PTPRD: variants seen among roughly 807,000 people sequenced by gnomAD.
PTPRD encodes the protein receptor-type tyrosine-protein phosphatase delta.
PTPRD carries 34 observed loss-of-function variants against 214.5 expected under a neutral mutation model. The observed-to-expected ratio is 0.16, with a 90% CI of 0.12 to 0.21. The LOEUF is 0.21. Ranked by LOEUF, PTPRD falls within the 10% of genes least tolerant of loss-of-function variation. The pLI, the probability that PTPRD is intolerant of heterozygous loss-of-function variation, is 1.00. For synonymous variants in PTPRD, 1,128 were observed against 845.7 expected, an observed-to-expected ratio of 1.33 and a Z score of -5.79; for missense variants, 2,545 against 2,398.7, an observed-to-expected ratio of 1.06 and a Z score of -1.27.
rs149754128 is a variant in PTPRD, at chr9:8,664,721, A to G, written c.65-27877T>C. On this transcript the variant is annotated intron_variant, in intron 12 of 45. Coordinates refer to ENST00000381196, the MANE Select transcript of PTPRD (RefSeq NM_002839.4). ...ATTGTATATATCCCCACACTACACT[A>G]TTCCTGCATACAGCCAGAAGCTGCT... 2.7e-3 allele frequency among the ~76,000 whole-genome samples: 412 copies of G among 152,326 alleles called. 1 individual carries two copies. The highest frequency in any genetic ancestry group is 9.5e-3 in the African/African-American group (393 of 41,580).
chr9:10,119,782 T>C (rs1343703399), intron 3 of PTPRD, among the ~76,000 whole-genome samples: 2 of 152,052 alleles, frequency 1.3e-5, no homozygotes. Flanking sequence ...AAAGCAGTCA[T>C]GTGCATTACT....
In PTPRD at chr9:8,451,316, A is replaced by C. The variant is rs543581239; in HGVS notation, c.3876-1479T>G. On this transcript the variant is annotated intron_variant, in intron 33 of 45. Coordinates refer to ENST00000381196, the MANE Select transcript of PTPRD (RefSeq NM_002839.4). ...TCTTCTTTCTACCTAAAGGTGTCAG[A>C]TACAGCCTTGGGACAAAATGTGCTG... 3.9e-5 allele frequency among the ~76,000 whole-genome samples: 6 copies of C among 152,292 alleles called. No homozygotes were observed. In the East Asian group the frequency reaches 1.2e-3, roughly 29 times the overall value.
intron 17 of PTPRD, 64 bp from the exon 18 acceptor site, chr9:8,525,099 C>G: frequency 7.3e-7 from 1 of 1,366,838 alleles, no homozygotes; most frequent in Non-Finnish European, 1.0e-6. Context: ...GTTCAGAAAG[C>G]TAAACCTCTT....
At chr9:8,962,488 A>T (rs2099163867) in intron 11 of PTPRD, among the ~76,000 whole-genome samples, 1 of 152,058 alleles carries the variant, frequency 6.6e-6, no homozygotes, top group South Asian at 2.1e-4. Flanking sequence ...AAATGACTAA[A>T]GATAAGACAT....
intron 2 of PTPRD, among the ~76,000 whole-genome samples, chr9:10,557,874 G>C (rs891454198): frequency 1.3e-5 from 2 of 152,108 alleles, no homozygotes; most frequent in Non-Finnish European, 2.9e-5. Context: ...GCATGTAAAT[G>C]TTTTATAGCA....
intron 39 of PTPRD, among the ~76,000 whole-genome samples, chr9:8,342,591 T>G (rs956627799): frequency 1.4e-4 from 21 of 152,010 alleles, no homozygotes; most frequent in Non-Finnish European, 3.1e-4. Context: ...ATATAATAGG[T>G]GTATATTACC....
At chr9:9,658,462 T>C (rs975625561) in intron 7 of PTPRD, among the ~76,000 whole-genome samples, 5 of 152,172 alleles carry the variant, frequency 3.3e-5, no homozygotes, top group Non-Finnish European at 5.9e-5. Flanking sequence ...CCTTCTTTAC[T>C]GTTTTTCCGA....
chr9:9,679,434 A>T (rs1301792903), intron 7 of PTPRD, among the ~76,000 whole-genome samples: 1 of 152,004 alleles, frequency 6.6e-6, no homozygotes, highest in East Asian at 1.9e-4. Flanking sequence ...AAAAACCTGA[A>T]CTTTAAAAAT....
intron 3 of PTPRD, among the ~76,000 whole-genome samples, chr9:10,231,815 G>C (rs527587804): frequency 2.0e-5 from 3 of 151,880 alleles, no homozygotes; most frequent in African/African-American, 7.3e-5. Context: ...CAATGTGGTG[G>C]TATTGGGAAG....
At chr9:9,071,458 GGAGA>G (rs574673880) in intron 10 of PTPRD, among the ~76,000 whole-genome samples, 1 of 152,092 alleles carries the variant, frequency 6.6e-6, no homozygotes, top group Non-Finnish European at 1.5e-5. Flanking sequence ...ATTTTACATA[GGAGA>G]GAGTCTTCTT....
At chr9:8,778,719 T>A (rs1466779207) in intron 11 of PTPRD, among the ~76,000 whole-genome samples, 4 of 152,168 alleles carry the variant, frequency 2.6e-5, no homozygotes, top group Non-Finnish European at 5.9e-5. Flanking sequence ...ATACTGAAAC[T>A]AGGAGGCCAT....
At chr9:9,289,975 G>A (rs1208524275) in intron 9 of PTPRD, among the ~76,000 whole-genome samples, 2 of 151,730 alleles carry the variant, frequency 1.3e-5, no homozygotes, top group African/African-American at 4.8e-5. Flanking sequence ...TATATACCCA[G>A]AAATTAGGTT....
intron 2 of PTPRD, among the ~76,000 whole-genome samples, chr9:10,354,773 T>C (rs1231027230): frequency 6.6e-6 from 1 of 152,168 alleles, no homozygotes; most frequent in East Asian, 1.9e-4. Context: ...ATGTCATTTT[T>C]TACTGTGGCA....
chr9:10,585,805 C>T (rs1443463026), intron 2 of PTPRD, among the ~76,000 whole-genome samples: 2 of 151,678 alleles, frequency 1.3e-5, no homozygotes, highest in African/African-American at 4.8e-5. Flanking sequence ...CAGGATAATA[C>T]CTGATTTATT....
intron 7 of PTPRD, among the ~76,000 whole-genome samples, chr9:9,676,954 C>A (rs1304331886): frequency 2.6e-5 from 4 of 152,106 alleles, no homozygotes; most frequent in African/African-American, 9.7e-5. Context: ...ATATCCTTCG[C>A]CCACTTGTTG....
intron 4 of PTPRD, among the ~76,000 whole-genome samples, chr9:9,957,155 T>C (rs2093992687): frequency 6.6e-6 from 1 of 152,196 alleles, no homozygotes; most frequent in African/African-American, 2.4e-5. Context: ...AAATCCCATT[T>C]ATATGTATGT....
chr9:9,097,856 G>A (rs2099785909), intron 10 of PTPRD, among the ~76,000 whole-genome samples: 1 of 152,004 alleles, frequency 6.6e-6, no homozygotes, highest in African/African-American at 2.4e-5. Context: ...TAGAGATGGT[G>A]TTTTCCTAAG....
intron 10 of PTPRD, among the ~76,000 whole-genome samples, chr9:9,054,328 T>G (rs1390861698): frequency 6.6e-6 from 1 of 152,176 alleles, no homozygotes; most frequent in African/African-American, 2.4e-5. Flanking sequence ...GTTTTAAGAG[T>G]TTAGCCAAAA....
intron 3 of PTPRD, among the ~76,000 whole-genome samples, chr9:10,314,329 G>C (rs147624847): frequency 6.6e-6 from 1 of 151,882 alleles, no homozygotes; most frequent in African/African-American, 2.4e-5. Flanking sequence ...TTTAGAAACA[G>C]AATCAAAGGA....
Sources: allele counts gnomAD v4.1 joint callset (sites outside exome capture counted in the v4.1 genomes callset), GRCh38; gene constraint gnomAD v4.1.1; transcripts MANE v1.5; gene names NCBI Gene and HGNC (gene_info 2026-07-23, HGNC 2026-07-21).